DMD: variants seen among roughly 807,000 people sequenced by gnomAD.
DMD encodes the protein dystrophin, also known as mutant dystrophin.
Under a neutral mutation model 330.1 loss-of-function variants are expected in DMD, and 63 were observed. That is an observed-to-expected ratio of 0.19 (90% confidence interval 0.16 to 0.24). The LOEUF is 0.24. Among genes scored for constraint, DMD ranks in the 10% least tolerant of loss-of-function variants. The pLI, the probability that DMD is intolerant of heterozygous loss-of-function variation, is 1.00. For missense variants in DMD, 3,344 were observed against 2,684.1 expected, an observed-to-expected ratio of 1.25 and a Z score of -5.43; for synonymous variants, 1,223 against 959.8, an observed-to-expected ratio of 1.27 and a Z score of -5.07.
intron 19 of DMD, among the ~76,000 whole-genome samples, chrX:32,501,002 T>G (rs1423732099): frequency 8.9e-6 from 1 of 112,197 alleles, no homozygotes; most frequent in Non-Finnish European, 1.9e-5. Flanking sequence ...AAAATAATCT[T>G]ATTTGGAAAT....
chrX:31,537,726 C>A (rs139972316), intron 55 of DMD, among the ~76,000 whole-genome samples: 1,266 of 111,285 alleles, frequency 0.011, 15 homozygotes, highest in African/African-American at 0.033. Flanking sequence ...CTTGACCTGT[C>A]TAACTCCTGC....
intron 55 of DMD, among the ~76,000 whole-genome samples, chrX:31,546,180 G>C (rs2074131119): frequency 8.9e-6 from 1 of 112,545 alleles, no homozygotes; most frequent in Non-Finnish European, 1.9e-5. Context: ...AAATATTTAT[G>C]AGTACTTAAT....
At chrX:32,944,607 AT>A (rs3083092) in intron 2 of DMD, among the ~76,000 whole-genome samples, 15,613 of 96,324 alleles carry the variant, frequency 0.16, 963 homozygotes, top group Middle Eastern at 0.27. Flanking sequence ...CTTTTAGTAG[AT>A]TTTTTTTTTT....
chrX:31,992,117 T>G (rs2095555263), intron 44 of DMD, among the ~76,000 whole-genome samples: 1 of 111,733 alleles, frequency 8.9e-6, no homozygotes, highest in African/African-American at 3.3e-5. Context: ...TAGACACTCC[T>G]GAGGGAAGTT....
At chrX:33,077,448 T>C (rs1208823322) in intron 1 of DMD, among the ~76,000 whole-genome samples, 1 of 111,399 alleles carries the variant, frequency 9.0e-6, no homozygotes, top group Non-Finnish European at 1.9e-5. Context: ...TCTAACACTT[T>C]AACCCTAAGG....
intron 1 of DMD, among the ~76,000 whole-genome samples, chrX:33,102,699 T>G (rs923543832): frequency 8.9e-6 from 1 of 111,741 alleles, no homozygotes; most frequent in Non-Finnish European, 1.9e-5. Flanking sequence ...CCAGAGTCCA[T>G]TCAGTCTTAT....
intron 59 of DMD, among the ~76,000 whole-genome samples, chrX:31,477,811 A>G (rs1441221726): frequency 9.0e-6 from 1 of 110,961 alleles, no homozygotes; most frequent in Non-Finnish European, 1.9e-5. Context: ...ACACACACAC[A>G]CACACACACA....
intron 51 of DMD, among the ~76,000 whole-genome samples, chrX:31,756,665 A>G (rs2089126429): frequency 2.7e-5 from 3 of 112,633 alleles, no homozygotes; most frequent in African/African-American, 9.7e-5. Context: ...ATTGAATATG[A>G]TATGCATAGC....
intron 1 of DMD, among the ~76,000 whole-genome samples, chrX:33,041,209 C>T (rs1231784873): frequency 8.8e-6 from 1 of 113,320 alleles, no homozygotes; most frequent in African/African-American, 3.2e-5. Context: ...AATGTTCACA[C>T]CTGAGTACTC....
chrX:32,872,028 A>C (rs1322247360), intron 2 of DMD, among the ~76,000 whole-genome samples: 1 of 111,095 alleles, frequency 9.0e-6, no homozygotes, highest in Non-Finnish European at 1.9e-5. Flanking sequence ...GAGAGAGGAC[A>C]TGATATCCAA....
chrX:32,368,678 G>A (rs185350513), intron 34 of DMD, among the ~76,000 whole-genome samples: 30 of 111,208 alleles, frequency 2.7e-4, no homozygotes, highest in Non-Finnish European at 4.3e-4. Context: ...CTCAAAGGGA[G>A]CTCCTTATTT....
At chrX:31,207,562 G>C in intron 65 of DMD, among the ~76,000 whole-genome samples, 1 of 112,041 alleles carries the variant, frequency 8.9e-6, no homozygotes. Flanking sequence ...AAAAGAATGA[G>C]ATCATGTCTT....
intron 4 of DMD, among the ~76,000 whole-genome samples, chrX:32,826,252 T>C (rs2078684038): frequency 8.9e-6 from 1 of 112,119 alleles, no homozygotes; most frequent in African/African-American, 3.2e-5. Context: ...ATGTAAATTA[T>C]TGTAGTCATG....
intron 44 of DMD, among the ~76,000 whole-genome samples, chrX:31,996,491 A>G (rs751429697): frequency 4.1e-4 from 46 of 111,955 alleles, no homozygotes; most frequent in African/African-American, 1.4e-3. Flanking sequence ...TGAGTGGCAC[A>G]GATTTATGTA....
At chrX:33,199,598 G>T (rs775058350) in intron 1 of DMD, among the ~76,000 whole-genome samples, 1 of 111,435 alleles carries the variant, frequency 9.0e-6, no homozygotes, top group Non-Finnish European at 1.9e-5. Context: ...TAAGCTAGAG[G>T]TATAACTTGG....
intron 44 of DMD, among the ~76,000 whole-genome samples, chrX:32,155,706 ACC>A (rs2096826942): frequency 9.0e-6 from 1 of 111,412 alleles, no homozygotes; most frequent in Non-Finnish European, 1.9e-5. Flanking sequence ...ACGGTAACAA[ACC>A]AGAGACCTGA....
chrX:33,190,149 A>G (rs1280141468), intron 1 of DMD, among the ~76,000 whole-genome samples: 21 of 110,969 alleles, frequency 1.9e-4, no homozygotes, highest in Admixed American at 1.5e-3. Flanking sequence ...CATGATCCTT[A>G]TAGTCCAGGA....
chrX:33,206,441 C>T lies in DMD; in HGVS notation c.31+4841G>A, dbSNP rs774171638. ...TAAAGGATCATTGTCCATTCTCCCCCAGTTCCCATTAGTGAGGAATGGGGT... is the reference window on the plus strand; with the variant it reads ...TAAAGGATCATTGTCCATTCTCCCCTAGTTCCCATTAGTGAGGAATGGGGT... On this transcript the variant is annotated intron_variant, in intron 1 of 78. Coordinates refer to ENST00000357033, the MANE Select transcript of DMD (RefSeq NM_004006.3). Among the ~76,000 whole-genome samples the T allele has an allele frequency of 1.2e-4, 13 of 111,722 alleles. 1 individual carries two copies. The South Asian group carries it at 4.9e-3, about 42-fold the overall frequency.
chrX:32,138,060 C>G (rs913591715), intron 44 of DMD, among the ~76,000 whole-genome samples: 21 of 109,304 alleles, frequency 1.9e-4, no homozygotes, highest in African/African-American at 7.0e-4. Flanking sequence ...TGCTTAGACT[C>G]TAGTCTTCCC....
Sources: allele counts gnomAD v4.1 joint callset (sites outside exome capture counted in the v4.1 genomes callset), GRCh38; gene constraint gnomAD v4.1.1; transcripts MANE v1.5; gene names NCBI Gene and HGNC (gene_info 2026-07-23, HGNC 2026-07-21).